Variants in AOPEP observed in about 807,000 individuals in gnomAD.
The protein encoded by AOPEP is aminopeptidase O.
A neutral mutation model predicts 98.1 loss-of-function variants in AOPEP; 77 were observed. The ratio of observed to expected loss-of-function variants is 0.78; its 90% confidence interval spans 0.65 to 0.95. AOPEP has a LOEUF of 0.95. AOPEP is among the 40% of genes least tolerant of loss of function. AOPEP has a pLI of 0.00. For missense variants in AOPEP, 1,024 were observed against 1,024.7 expected, an observed-to-expected ratio of 1.00 and a Z score of 0.01; for synonymous variants, 346 against 365.3, an observed-to-expected ratio of 0.95 and a Z score of 0.60.
intron 5 of AOPEP, among the ~76,000 whole-genome samples, chr9:94,833,680 C>G (rs528856073): frequency 4.6e-5 from 7 of 152,276 alleles, no homozygotes; most frequent in African/African-American, 1.4e-4. Flanking sequence ...TGAAACGCAT[C>G]AAGTCCATGA....
At chr9:94,876,190 A>T (rs1438024501) in intron 5 of AOPEP, among the ~76,000 whole-genome samples, 1 of 152,160 alleles carries the variant, frequency 6.6e-6, no homozygotes, top group Admixed American at 6.5e-5. Flanking sequence ...TGAAAGAGGT[A>T]TTCATTTTCA....
chr9:95,070,616 T>C (rs909735819), intron 14 of AOPEP, among the ~76,000 whole-genome samples: 35 of 152,274 alleles, frequency 2.3e-4, no homozygotes, highest in African/African-American at 8.2e-4. Flanking sequence ...ATGTACTATG[T>C]GCTGGGCATT....
At chr9:95,104,017 G>GGA in the AOPEP span, among the ~76,000 whole-genome samples, 1 of 152,178 alleles carries the variant, frequency 6.6e-6, no homozygotes, top group Non-Finnish European at 1.5e-5. Flanking sequence ...TCCTGAGGGT[G>GGA]GAGAGACCCA....
intron 1 of AOPEP, among the ~76,000 whole-genome samples, chr9:94,751,312 A>G (rs1474035250): frequency 1.3e-5 from 2 of 152,160 alleles, no homozygotes; most frequent in African/African-American, 4.8e-5. Flanking sequence ...AAGGTACTCC[A>G]CTATTACCAG....
chr9:95,004,199 G>A (rs765016719), intron 11 of AOPEP: 3 of 455,918 alleles, frequency 6.6e-6, no homozygotes, highest in African/African-American at 4.0e-5. Context: ...CGCCCTCACC[G>A]GCAGGCGGGT....
At chr9:94,779,834 C>T (rs1259552626) in intron 3 of AOPEP, among the ~76,000 whole-genome samples, 1 of 152,158 alleles carries the variant, frequency 6.6e-6, no homozygotes. Context: ...TTCTCCACCA[C>T]TTGTCTTTCA....
the AOPEP span, among the ~76,000 whole-genome samples, chr9:95,134,679 T>A: frequency 6.6e-6 from 1 of 152,304 alleles, no homozygotes; most frequent in African/African-American, 2.4e-5. Flanking sequence ...TGTGCTCCAA[T>A]CCCACAGAGC....
intron 3 of AOPEP, among the ~76,000 whole-genome samples, chr9:94,780,600 C>T (rs1843036940): frequency 6.6e-6 from 1 of 152,138 alleles, no homozygotes; most frequent in Admixed American, 6.5e-5. Flanking sequence ...TTTGCCAGAA[C>T]CAAAATGGCT....
chr9:94,893,446 T>C lies in AOPEP; in HGVS notation c.1365-30540T>C, dbSNP rs545151185. On this transcript the variant is annotated intron_variant, in intron 5 of 16. Transcript: ENST00000375315. ...TCATGGATGAGTCCAGACTCGAGCC[T>C]GAAAAGGTAAGTATAAAATGAGGAA... Among the ~76,000 whole-genome samples the C allele has an allele frequency of 9.9e-5, 15 of 152,234 alleles. 1 individual carries two copies. Among genetic ancestry groups the C allele is most frequent in the Middle Eastern group, 6.8e-3 (2 of 294 alleles).
Position 95,041,479 on chromosome 9 carries a change from G to GTGTGTGTGTGTC in AOPEP, c.2116-19213_2116-19212insTGTGTGTGTCTG, listed in dbSNP as rs769423297. 6.5e-3 allele frequency among the ~76,000 whole-genome samples: 980 copies of GTGTGTGTGTGTC among 151,632 alleles called. 8 individuals carry two copies. Among genetic ancestry groups the GTGTGTGTGTGTC allele is most frequent in the Non-Finnish European group, 0.01 (709 of 67,786 alleles). On this transcript the variant is annotated intron_variant, in intron 13 of 16. Transcript: ENST00000375315. ...TGTGTGTGTGTGTGTGTGTGTGTGT[G>GTGTGTGTGTGTC]TGGAGAGGGAGAGACACTAAAAAAG...
the AOPEP span, chr9:95,126,452 CACA>C: frequency 1.5e-6 from 2 of 1,372,568 alleles, no homozygotes; most frequent in Non-Finnish European, 2.1e-6. Flanking sequence ...CAGAGACTAC[CACA>C]ACATTTTCTG....
At chr9:95,038,561 G>C (rs1015800882) in intron 13 of AOPEP, among the ~76,000 whole-genome samples, 1 of 152,230 alleles carries the variant, frequency 6.6e-6, no homozygotes, top group Non-Finnish European at 1.5e-5. Flanking sequence ...AGACAAAGCA[G>C]CTATAAATAA....
intron 5 of AOPEP, among the ~76,000 whole-genome samples, chr9:94,821,910 A>C (rs539149367): frequency 6.6e-6 from 1 of 152,144 alleles, no homozygotes; most frequent in South Asian, 2.1e-4. Flanking sequence ...TCTAAAAGGC[A>C]ACCATTTTAG....
At chr9:94,955,066 T>TA in intron 7 of AOPEP, 111 bp from the exon 8 acceptor site, 1 of 603,148 alleles carries the variant, frequency 1.7e-6, no homozygotes. Flanking sequence ...TACTGTTGAA[T>TA]AGAATCAGGA....
rs1377961576 is a variant in AOPEP at position 94,980,217 on chromosome 9, G to GCC, written c.1977+791_1977+792dup. Among the ~76,000 whole-genome samples the GCC allele has an allele frequency of 2.6e-5, 4 of 152,244 alleles. No individual in the cohort carries two copies. The highest frequency in any genetic ancestry group is 2.6e-4 in the Admixed American group (4 of 15,286). On this transcript the variant is annotated intron_variant, in intron 11 of 16. Coordinates refer to ENST00000375315, the MANE Select transcript of AOPEP (RefSeq NM_001193329.3). The surrounding 1 kb of genome is among the most constrained non-coding windows in gnomAD (Gnocchi z 4.3). ...CCAAATCAAATGCTGGCCATGGCAAGCCTAGGCCCTGGGAAGTCTGAGGGT... is the reference window on the plus strand; with the variant it reads ...CCAAATCAAATGCTGGCCATGGCAAGCCCCTAGGCCCTGGGAAGTCTGAGGGT...
At chr9:94,975,097 G>A (rs1365290536) in intron 10 of AOPEP, among the ~76,000 whole-genome samples, 6 of 152,128 alleles carry the variant, frequency 3.9e-5, no homozygotes, top group East Asian at 3.9e-4. Flanking sequence ...CGGGCGTGGT[G>A]GCACATGCCT....
intron 13 of AOPEP, among the ~76,000 whole-genome samples, chr9:95,022,829 T>TC (rs2063562542): frequency 6.6e-6 from 1 of 152,166 alleles, no homozygotes; most frequent in African/African-American, 2.4e-5. Flanking sequence ...TGGAAACATT[T>TC]CCCCCCTTGC....
intron 5 of AOPEP, among the ~76,000 whole-genome samples, chr9:94,808,988 A>G (rs1364260384): frequency 2.0e-5 from 3 of 152,372 alleles, no homozygotes; most frequent in African/African-American, 7.2e-5. Flanking sequence ...GCAATCTTAG[A>G]ACATCCTATT....
At chr9:94,848,320 C>A (rs944018934) in intron 5 of AOPEP, among the ~76,000 whole-genome samples, 8 of 151,888 alleles carry the variant, frequency 5.3e-5, no homozygotes, top group Non-Finnish European at 1.2e-4. Flanking sequence ...GGCATGGTGG[C>A]AGGTGCCTAG....
Sources: allele counts gnomAD v4.1 joint callset (sites outside exome capture counted in the v4.1 genomes callset), GRCh38; gene constraint gnomAD v4.1.1; non-coding constraint Gnocchi (gnomAD v3.1); transcripts MANE v1.5; gene names NCBI Gene and HGNC (gene_info 2026-07-23, HGNC 2026-07-21).